Variants in DLGAP2 observed in about 807,000 individuals in gnomAD.
DLGAP2 encodes disks large-associated protein 2.
In DLGAP2, 26 loss-of-function variants were observed where a neutral mutation model predicts 100.3. That is an observed-to-expected ratio of 0.26 (90% confidence interval 0.19 to 0.36). The LOEUF (loss-of-function observed/expected upper bound fraction) is 0.36. DLGAP2 is among the 10% of genes least tolerant of loss of function. DLGAP2 has a pLI of 1.00. For synonymous variants in DLGAP2, 886 were observed against 630.1 expected, an observed-to-expected ratio of 1.41 and a Z score of -6.08; for missense variants, 1,858 against 1,453.2, an observed-to-expected ratio of 1.28 and a Z score of -4.53.
chr8:1,166,633 T>C (rs532988437), intron 2 of DLGAP2, among the ~76,000 whole-genome samples: 3 of 152,324 alleles, frequency 2.0e-5, no homozygotes, highest in African/African-American at 7.2e-5. Flanking sequence ...CGGAGTCTCC[T>C]GTCAATGCCG....
chr8:823,725 G>A (rs989059066), intron 1 of DLGAP2, among the ~76,000 whole-genome samples: 6 of 152,284 alleles, frequency 3.9e-5, no homozygotes, highest in East Asian at 1.9e-4. Context: ...GATGTTTGTC[G>A]TCGTTTTGTC....
intron 8 of DLGAP2, among the ~76,000 whole-genome samples, chr8:1,644,051 G>A (rs1194920242): frequency 1.1e-5 from 1 of 87,284 alleles, no homozygotes; most frequent in East Asian, 3.1e-4. Context: ...CCTCGAACCC[G>A]CCGGTCCTCA....
chr8:1,292,177 T>G (rs1158324662), intron 3 of DLGAP2, among the ~76,000 whole-genome samples: 4 of 152,208 alleles, frequency 2.6e-5, no homozygotes, highest in Non-Finnish European at 5.9e-5. Flanking sequence ...GGAAGCATGC[T>G]TTGCTCATGC....
At chr8:821,720 T>C (rs1036309269) in intron 1 of DLGAP2, among the ~76,000 whole-genome samples, 4 of 152,248 alleles carry the variant, frequency 2.6e-5, no homozygotes, top group East Asian at 3.8e-4. Flanking sequence ...CATCAAATTA[T>C]ATAAGGAATC....
chr8:915,374 G>T (rs4735957), intron 2 of DLGAP2, among the ~76,000 whole-genome samples: 1 of 151,914 alleles, frequency 6.6e-6, no homozygotes, highest in Non-Finnish European at 1.5e-5. Context: ...GGTGAAACCC[G>T]GTCTCTACTA....
Position 1,549,176 on chromosome 8 carries a change from C to G in DLGAP2, c.723C>G (p.Thr241=). 1 of 1,599,264 alleles carries G rather than the reference C, an allele frequency of 6.3e-7. No homozygotes were observed. Among genetic ancestry groups the G allele is most frequent in the Non-Finnish European group, 8.5e-7 (1 of 1,173,922 alleles). Residue 241 remains threonine (T), a synonymous_variant, in exon 5 of 15, where the codon ACC becomes ACG. Coordinates refer to ENST00000637795, the MANE Select transcript of DLGAP2 (RefSeq NM_001346810.2). ...HLVHSVQKLF[T]KSHSLEGSSK... ...TACACTCCGTGCAGAAGCTCTTCACCAAGTCGCACTCGCTGGAGGGCTCCT... is the reference window on the plus strand; with the variant it reads ...TACACTCCGTGCAGAAGCTCTTCACGAAGTCGCACTCGCTGGAGGGCTCCT...
chr8:1,471,704 A>C (rs555791042), intron 3 of DLGAP2, among the ~76,000 whole-genome samples: 1 of 152,270 alleles, frequency 6.6e-6, no homozygotes, highest in African/African-American at 2.4e-5. Context: ...AAGACCAAGA[A>C]GGGTTCATAT....
At chr8:999,588 C>G (rs765097468) in intron 2 of DLGAP2, among the ~76,000 whole-genome samples, 1 of 151,606 alleles carries the variant, frequency 6.6e-6, no homozygotes, top group Non-Finnish European at 1.5e-5. Context: ...AAGTGATTCT[C>G]CTGCCTCAGC....
At chr8:1,326,185 A>T (rs1210978847) in intron 3 of DLGAP2, among the ~76,000 whole-genome samples, 1 of 152,232 alleles carries the variant, frequency 6.6e-6, no homozygotes, top group Non-Finnish European at 1.5e-5. Flanking sequence ...AACTATTAGC[A>T]TGCTTTTACC....
chr8:1,073,629 A>T (rs965251891), intron 2 of DLGAP2, among the ~76,000 whole-genome samples: 4 of 152,232 alleles, frequency 2.6e-5, no homozygotes, highest in African/African-American at 9.6e-5. Flanking sequence ...TGGCACAGAC[A>T]TGTGGAAGGG....
intron 3 of DLGAP2, chr8:1,369,174 G>C (rs1024468325): frequency 6.6e-6 from 1 of 152,168 alleles, no homozygotes; most frequent in Non-Finnish European, 1.5e-5. Context: ...AAGCTTTCAA[G>C]GCTGGTGTTC....
At chr8:1,338,589 A>C (rs1801341149) in intron 3 of DLGAP2, among the ~76,000 whole-genome samples, 1 of 152,354 alleles carries the variant, frequency 6.6e-6, no homozygotes, top group South Asian at 2.1e-4. Context: ...AATATATAAA[A>C]CCACCAAGTT....
chr8:1,097,806 C>G (rs944964469), intron 2 of DLGAP2, among the ~76,000 whole-genome samples: 1 of 140,790 alleles, frequency 7.1e-6, no homozygotes, highest in East Asian at 2.2e-4. Flanking sequence ...AGACCCACCT[C>G]CCTCTGCTCA....
At chr8:1,233,291 T>A (rs964600166) in intron 2 of DLGAP2, among the ~76,000 whole-genome samples, 1 of 152,228 alleles carries the variant, frequency 6.6e-6, no homozygotes, top group Admixed American at 6.5e-5. Context: ...TCCCCTACCT[T>A]TCACTGAATA....
intron 12 of DLGAP2, among the ~76,000 whole-genome samples, chr8:1,687,890 G>GT (rs1799155894): frequency 6.6e-6 from 1 of 152,112 alleles, no homozygotes; most frequent in Non-Finnish European, 1.5e-5. Flanking sequence ...ACTTAAAATA[G>GT]TCCCTTTAAA....
chr8:877,353 A>G (rs753346189), intron 1 of DLGAP2, among the ~76,000 whole-genome samples: 10 of 151,592 alleles, frequency 6.6e-5, no homozygotes, highest in Non-Finnish European at 1.2e-4. Context: ...AGGAGTCTAG[A>G]CTCTCTGCCC....
At chr8:1,374,861 A>G (rs961941938) in intron 3 of DLGAP2, among the ~76,000 whole-genome samples, 4 of 152,182 alleles carry the variant, frequency 2.6e-5, no homozygotes, top group African/African-American at 7.2e-5. Flanking sequence ...CCGGTGCCGC[A>G]CGGCCTGGCA....
chr8:1,675,505 G>A (rs1798791414), intron 10 of DLGAP2, among the ~76,000 whole-genome samples: 1 of 152,228 alleles, frequency 6.6e-6, no homozygotes, highest in Non-Finnish European at 1.5e-5. Flanking sequence ...ACAAATCTGA[G>A]CCAGTCCTCG....
chr8:1,434,774 C>T (rs557040299), intron 3 of DLGAP2, among the ~76,000 whole-genome samples: 4 of 152,296 alleles, frequency 2.6e-5, no homozygotes, highest in East Asian at 1.9e-4. Context: ...TGTGCCCGGC[C>T]GTCATTGGCA....
Sources: allele counts gnomAD v4.1 joint callset (sites outside exome capture counted in the v4.1 genomes callset), GRCh38; gene constraint gnomAD v4.1.1; transcripts MANE v1.5; gene names NCBI Gene and HGNC (gene_info 2026-07-23, HGNC 2026-07-21).